PTPRG: variants seen among roughly 807,000 people sequenced by gnomAD.
PTPRG encodes the protein receptor-type tyrosine-protein phosphatase gamma.
Under a neutral mutation model 165.3 loss-of-function variants are expected in PTPRG, and 102 were observed. The ratio of observed to expected loss-of-function variants is 0.62; its 90% CI spans 0.53 to 0.73. The LOEUF (loss-of-function observed/expected upper bound fraction) is 0.73. PTPRG is among the 30% of genes least tolerant of loss of function. The probability of loss-of-function intolerance (pLI) is 0.00; values close to 1 mark genes in which losing one functional copy is unlikely to be tolerated. For synonymous variants in PTPRG, 675 were observed against 669.5 expected (o/e 1.01, Z -0.13); for missense variants, 1,866 against 1,861.4 (o/e 1.00, Z -0.05).
intron 2 of PTPRG, among the ~76,000 whole-genome samples, chr3:61,805,123 T>C (rs543492256): frequency 6.6e-6 from 1 of 152,134 alleles, no homozygotes; most frequent in Non-Finnish European, 1.5e-5. Flanking sequence ...AAGGGAACTT[T>C]TTTTCTTTTT....
chr3:62,105,790 G>C (rs1157173062), intron 5 of PTPRG, among the ~76,000 whole-genome samples: 2 of 152,146 alleles, frequency 1.3e-5, no homozygotes, highest in African/African-American at 2.4e-5. Flanking sequence ...TGTGAATCAG[G>C]AGCTAGTCAG....
At chr3:61,803,911 T>C (rs2035332070) in intron 2 of PTPRG, among the ~76,000 whole-genome samples, 1 of 152,204 alleles carries the variant, frequency 6.6e-6, no homozygotes, top group Non-Finnish European at 1.5e-5. Flanking sequence ...AAATTTACCA[T>C]GGCAAGATCC....
chr3:61,797,621 T>C (rs1458238751), intron 2 of PTPRG, among the ~76,000 whole-genome samples: 1 of 123,964 alleles, frequency 8.1e-6, no homozygotes, highest in African/African-American at 2.9e-5. Context: ...CCTTTGTAAA[T>C]CAAGATTTTT....
intron 1 of PTPRG, among the ~76,000 whole-genome samples, chr3:61,646,338 T>C (rs1702200730): frequency 6.6e-6 from 1 of 152,222 alleles, no homozygotes; most frequent in Non-Finnish European, 1.5e-5. Flanking sequence ...CTCGAACTTC[T>C]GAGCTCAAGT....
At chr3:62,030,465 G>A (rs935370010) in intron 4 of PTPRG, among the ~76,000 whole-genome samples, 4 of 152,172 alleles carry the variant, frequency 2.6e-5, no homozygotes, top group African/African-American at 9.7e-5. Flanking sequence ...TAAATTGAAA[G>A]TTTCATTCTA....
intron 2 of PTPRG, among the ~76,000 whole-genome samples, chr3:61,942,442 C>A (rs773419048): frequency 6.6e-6 from 1 of 152,322 alleles, no homozygotes; most frequent in South Asian, 2.1e-4. Flanking sequence ...TGTGAGTGTA[C>A]CCCATGGCCC....
At chr3:62,039,809 C>G (rs1040927897) in intron 4 of PTPRG, among the ~76,000 whole-genome samples, 2 of 146,162 alleles carry the variant, frequency 1.4e-5, no homozygotes. Context: ...GGCGCCTTTG[C>G]TTTGTAACAG....
At chr3:62,000,357 A>G (rs1209710410) in intron 3 of PTPRG, among the ~76,000 whole-genome samples, 1 of 151,818 alleles carries the variant, frequency 6.6e-6, no homozygotes, top group Non-Finnish European at 1.5e-5. Flanking sequence ...CTGCCTGTAT[A>G]TTCTTACCCA....
intron 1 of PTPRG, among the ~76,000 whole-genome samples, chr3:61,665,469 TACACACAC>T (rs10662394): frequency 2.2e-4 from 32 of 144,024 alleles, no homozygotes; most frequent in South Asian, 1.8e-3. Flanking sequence ...TGTAAATAAA[TACACACAC>T]ACACACACAC....
chr3:61,601,994 A>T (rs1217351924), intron 1 of PTPRG, among the ~76,000 whole-genome samples: 1 of 152,208 alleles, frequency 6.6e-6, no homozygotes, highest in Admixed American at 6.5e-5. Flanking sequence ...CCTTCAGCCA[A>T]CACTGACGTT....
At chr3:61,689,139 A>G (rs553131767) in intron 1 of PTPRG, among the ~76,000 whole-genome samples, 1 of 152,232 alleles carries the variant, frequency 6.6e-6, no homozygotes, top group South Asian at 2.1e-4. Context: ...TGTATTTACT[A>G]TTGGCCTAAG....
At chr3:62,250,040 A>G (rs185518340) in intron 15 of PTPRG, among the ~76,000 whole-genome samples, 150 of 152,284 alleles carry the variant, frequency 9.9e-4, no homozygotes, top group African/African-American at 2.9e-3. Flanking sequence ...ACAATAAATC[A>G]TAGATATGAA....
At chr3:61,624,637 T>C (rs1170470984) in intron 1 of PTPRG, among the ~76,000 whole-genome samples, 1 of 152,154 alleles carries the variant, frequency 6.6e-6, no homozygotes, top group African/African-American at 2.4e-5. Context: ...TTTAAGCCTC[T>C]GATAGCAGCA....
chr3:61,568,737 G>A (rs1361955998), intron 1 of PTPRG, among the ~76,000 whole-genome samples: 1 of 151,890 alleles, frequency 6.6e-6, no homozygotes, highest in Non-Finnish European at 1.5e-5. Context: ...GTGAAACCCT[G>A]TCTCTTCTAA....
rs891736171 is a variant in PTPRG, at chr3:62,295,015, A to C, written c.*1708A>C. On this transcript the variant is annotated 3_prime_UTR_variant, in exon 30 of 30. Transcript: ENST00000474889. ...GTTAAAGAATTTGAATGCAAAGGCC[A>C]GGTCAATGGAGTTTTCATAAACTAC... is the stretch of plus-strand genomic sequence containing the variant. 10 of 152,160 alleles carry C rather than the reference A, an allele frequency of 6.6e-5. No individual in the cohort carries two copies. Among genetic ancestry groups the C allele is most frequent in the Non-Finnish European group, 1.2e-4 (8 of 68,008 alleles). 9.4% of individuals were successfully genotyped at this position (152,160 alleles called of 1,614,324 possible). A position where few individuals can be genotyped will look rare whatever the true frequency, so the allele number is the denominator to read the frequency against.
chr3:61,925,798 C>T, intron 2 of PTPRG: 1 of 447,388 alleles, frequency 2.2e-6, no homozygotes. Flanking sequence ...AACCTATACG[C>T]CAGTGTTCAC....
At chr3:62,153,743 C>T (rs1270868174) in intron 6 of PTPRG, among the ~76,000 whole-genome samples, 1 of 152,142 alleles carries the variant, frequency 6.6e-6, no homozygotes, top group Non-Finnish European at 1.5e-5. Flanking sequence ...TATTTATAAT[C>T]TTCACTACTG....
At chr3:61,861,317 T>A (rs1043464189) in intron 2 of PTPRG, among the ~76,000 whole-genome samples, 3 of 151,948 alleles carry the variant, frequency 2.0e-5, no homozygotes, top group African/African-American at 7.3e-5. Context: ...AAAAAAAAAA[T>A]TGGCACAGTC....
At chr3:61,586,391 C>T (rs73838831) in intron 1 of PTPRG, among the ~76,000 whole-genome samples, 2,631 of 152,206 alleles carry the variant, frequency 0.017, 82 homozygotes, top group African/African-American at 0.06. Flanking sequence ...ATTGGACTCT[C>T]GTGTATGAAG....
Sources: gnomAD v4.1 joint callset for allele counts (sites outside exome capture counted in the v4.1 genomes callset) on GRCh38, gnomAD v4.1.1 for gene constraint, MANE v1.5 for transcripts, NCBI Gene and HGNC (gene_info 2026-07-23, HGNC 2026-07-21) for gene names.